Variants in GRID2 observed in about 807,000 individuals in gnomAD.
GRID2 encodes the protein glutamate receptor ionotropic, delta-2.
A neutral mutation model predicts 114.8 loss-of-function variants in GRID2; 33 were observed. The observed-to-expected ratio is 0.29, with a 90% CI of 0.22 to 0.38. The LOEUF (loss-of-function observed/expected upper bound fraction) is 0.38, where lower values mean the gene tolerates loss of function less well. Ranked by LOEUF, GRID2 falls within the 10% of genes least tolerant of loss-of-function variation. GRID2 has a pLI of 1.00. For missense variants in GRID2, 1,184 were observed against 1,257.7 expected, an observed-to-expected ratio of 0.94 and a Z score of 0.89; for synonymous variants, 505 against 449.9, an observed-to-expected ratio of 1.12 and a Z score of -1.55.
intron 1 of GRID2, among the ~76,000 whole-genome samples, chr4:92,414,551 A>C (rs904110163): frequency 3.3e-5 from 5 of 152,172 alleles, no homozygotes; most frequent in African/African-American, 9.7e-5. Flanking sequence ...GAGAAAGCAA[A>C]AAGGAGTCAT....
rs1444163938 is a variant in GRID2, at chr4:93,390,245, CATTCTAATAGTCAACAAAAT to C, written c.1246-5342_1246-5323del. On this transcript the variant is annotated intron_variant, in intron 8 of 15. Coordinates refer to ENST00000282020, the MANE Select transcript of GRID2 (RefSeq NM_001510.4). ...AGCATCAGAATTTTTTAAAGCTTTC[CATTCTAATAGTCAACAAAAT>C]ATTCTAATAGTCAACAAAAGTTGAA... Among the ~76,000 whole-genome samples, 10 of 152,232 alleles carry C rather than the reference CATTCTAATAGTCAACAAAAT, an allele frequency of 6.6e-5. No individual in the cohort carries two copies. The South Asian group carries it at 1.9e-3, about 28-fold the overall frequency.
intron 8 of GRID2, among the ~76,000 whole-genome samples, chr4:93,348,246 C>T (rs1760438333): frequency 6.6e-6 from 1 of 152,068 alleles, no homozygotes; most frequent in South Asian, 2.1e-4. Context: ...ACTATGCTGA[C>T]AAAAATCATT....
intron 2 of GRID2, among the ~76,000 whole-genome samples, chr4:92,865,870 A>C (rs1004442654): frequency 2.0e-5 from 3 of 152,248 alleles, no homozygotes; most frequent in Admixed American, 1.3e-4. Context: ...AAACAATGAC[A>C]CTAACATGAC....
Position 93,130,559 on chromosome 4 carries a change from G to C in GRID2, c.735+19606G>C, listed in dbSNP as rs574112664. Among the ~76,000 whole-genome samples the C allele has an allele frequency of 2.2e-3, 331 of 152,242 alleles. 3 individuals are homozygous for C. The highest frequency in any genetic ancestry group is 7.7e-3 in the African/African-American group (320 of 41,530). ...CAAAAACTAAGGAAAAAAAAGAAAA[G>C]TGGCTCTTTAAATTTCCCTACAGAC... On this transcript the variant is annotated intron_variant, in intron 4 of 15. Coordinates refer to ENST00000282020, the MANE Select transcript of GRID2 (RefSeq NM_001510.4).
At chr4:93,279,660 G>T (rs1752446383) in intron 8 of GRID2, among the ~76,000 whole-genome samples, 1 of 151,822 alleles carries the variant, frequency 6.6e-6, no homozygotes, top group South Asian at 2.1e-4. Context: ...AAATGATTTT[G>T]CTCCGTTTAA....
chr4:92,429,361 G>A (rs144637349), intron 1 of GRID2, among the ~76,000 whole-genome samples: 15 of 152,060 alleles, frequency 9.9e-5, no homozygotes, highest in Admixed American at 2.6e-4. Context: ...GTCTTTCTGC[G>A]CCTGGCTTAT....
chr4:92,361,843 T>A (rs1728634764), intron 1 of GRID2, among the ~76,000 whole-genome samples: 1 of 152,034 alleles, frequency 6.6e-6, no homozygotes, highest in Admixed American at 6.6e-5. Flanking sequence ...TGTGGTATAC[T>A]GAGCATCTGC....
At chr4:93,161,446 T>G (rs1017474964) in intron 4 of GRID2, among the ~76,000 whole-genome samples, 1 of 151,842 alleles carries the variant, frequency 6.6e-6, no homozygotes, top group African/African-American at 2.4e-5. Context: ...TAATTAATAT[T>G]TGAAGGAATT....
intron 2 of GRID2, among the ~76,000 whole-genome samples, chr4:92,898,088 C>T (rs966862537): frequency 2.0e-5 from 3 of 152,080 alleles, no homozygotes; most frequent in African/African-American, 7.2e-5. Flanking sequence ...TTCAAACCCA[C>T]ACAATTATTT....
intron 1 of GRID2, among the ~76,000 whole-genome samples, chr4:92,489,710 G>A (rs971602037): frequency 5.9e-5 from 9 of 151,998 alleles, no homozygotes; most frequent in Admixed American, 5.9e-4. Context: ...GCAAGCGGTG[G>A]TGGTGCGCGC....
In GRID2 at chr4:92,670,065, C is replaced by G. The variant is rs982975714; in HGVS notation, c.244+79779C>G. 6.6e-5 allele frequency among the ~76,000 whole-genome samples: 10 copies of G among 152,096 alleles called. No individual in the cohort carries two copies. The South Asian group carries it at 1.0e-3, about 16-fold the overall frequency. On this transcript the variant is annotated intron_variant, in intron 2 of 15. Coordinates refer to ENST00000282020, the MANE Select transcript of GRID2 (RefSeq NM_001510.4). ...AAAAGTGTTTTCTTCATTCTCGCTA[C>G]TGTAAAATAATGTGAATAACATAAA...
chr4:92,519,388 A>G (rs1380315279), intron 1 of GRID2, among the ~76,000 whole-genome samples: 1 of 151,742 alleles, frequency 6.6e-6, no homozygotes, highest in African/African-American at 2.4e-5. Flanking sequence ...TACCCTACCT[A>G]GAAGAAATGT....
chr4:92,677,077 T>C (rs553520444), intron 2 of GRID2, among the ~76,000 whole-genome samples: 1 of 152,230 alleles, frequency 6.6e-6, no homozygotes, highest in African/African-American at 2.4e-5. Flanking sequence ...TACAAATTCA[T>C]AGAGACAAAA....
At chr4:93,735,727 C>T (rs1009198742) in intron 14 of GRID2, among the ~76,000 whole-genome samples, 2 of 151,944 alleles carry the variant, frequency 1.3e-5, no homozygotes, top group South Asian at 2.1e-4. Context: ...TCTGTATTAA[C>T]TCATTTAGTG....
At chr4:93,662,915 A>G (rs1449331216) in intron 14 of GRID2, among the ~76,000 whole-genome samples, 4 of 152,218 alleles carry the variant, frequency 2.6e-5, no homozygotes, top group Non-Finnish European at 5.9e-5. Context: ...AAGTGAGAAG[A>G]CATAGCTTGT....
chr4:93,355,371 A>T (rs1761232677), intron 8 of GRID2, among the ~76,000 whole-genome samples: 2 of 152,020 alleles, frequency 1.3e-5, no homozygotes, highest in African/African-American at 4.8e-5. Flanking sequence ...TTGGCAGTTA[A>T]TACTGAATGT....
chr4:93,248,788 A>T (rs1407186132), intron 8 of GRID2, among the ~76,000 whole-genome samples: 1 of 152,186 alleles, frequency 6.6e-6, no homozygotes, highest in Non-Finnish European at 1.5e-5. Context: ...TGAGTAATGC[A>T]TAATTGGAAT....
intron 2 of GRID2, among the ~76,000 whole-genome samples, chr4:92,666,963 C>G (rs896929391): frequency 6.6e-6 from 1 of 151,380 alleles, no homozygotes; most frequent in Non-Finnish European, 1.5e-5. Context: ...TCAGAACACA[C>G]AGCCCCAATG....
intron 1 of GRID2, among the ~76,000 whole-genome samples, chr4:92,524,785 A>C (rs1724966811): frequency 6.6e-6 from 1 of 151,900 alleles, no homozygotes; most frequent in African/African-American, 2.4e-5. Context: ...AGGAATTAGG[A>C]GGTAGATACC....
Sources: gnomAD v4.1 joint callset for allele counts (sites outside exome capture counted in the v4.1 genomes callset) on GRCh38, gnomAD v4.1.1 for gene constraint, MANE v1.5 for transcripts, NCBI Gene and HGNC (gene_info 2026-07-23, HGNC 2026-07-21) for gene names.